The following SEMA4G variants were observed in gnomAD, a reference collection of about 807,000 sequenced individuals.
SEMA4G encodes the protein semaphorin-4G.
In SEMA4G, 59 loss-of-function variants were observed where a neutral mutation model predicts 81.2. The observed-to-expected ratio is 0.73, with a 90% CI of 0.59 to 0.90. The LOEUF is 0.90. SEMA4G is among the 40% of genes least tolerant of loss of function. SEMA4G has a pLI of 0.00. For synonymous variants in SEMA4G, 404 were observed against 433.9 expected (o/e 0.93, Z 0.86); for missense variants, 952 against 1,102.3 (o/e 0.86, Z 1.93).
chr10:100,975,623 C>T (rs1218616264), intron 3 of SEMA4G, among the ~76,000 whole-genome samples: 5 of 152,210 alleles, frequency 3.3e-5, no homozygotes, highest in Admixed American at 6.5e-5. Flanking sequence ...CTTGGGAGGC[C>T]GAGGCGGGTG....
rs781465606 is a variant in SEMA4G at position 100,981,020 on chromosome 10, A to G, written c.1628+38A>G. ...CAGGTGGGAAGTGGTGGGGGGTGACAGTCACATGTGGTCTGAGTGGAGGAG... is the reference window on the plus strand; with the variant it reads ...CAGGTGGGAAGTGGTGGGGGGTGACGGTCACATGTGGTCTGAGTGGAGGAG... On this transcript the variant is annotated intron_variant, in intron 12 of 13. Transcript: ENST00000370250. 8.2e-6 allele frequency: 13 copies of G among 1,593,200 alleles called. No homozygotes were observed. The Admixed American group carries it at 2.2e-4, about 27-fold the overall frequency.
chr10:100,973,465 C>T lies in SEMA4G; in HGVS notation c.274-82C>T. The T allele has an allele frequency of 6.7e-7, 1 of 1,491,318 alleles. No individual in the cohort carries two copies. The highest frequency in any genetic ancestry group is 9.3e-7 in the Non-Finnish European group (1 of 1,076,362). 92.4% of individuals were successfully genotyped at this position (1,491,318 alleles called of 1,614,324 possible). A position where few individuals can be genotyped will look rare whatever the true frequency, so the allele number is the denominator to read the frequency against. ...TTGATCCCCACCCCAATTTCCCCAA[C>T]TCTGTGGGGTCCTATTGCCTGGTCC... On this transcript the variant is annotated intron_variant, in intron 2 of 13. Coordinates refer to ENST00000370250, the Ensembl canonical transcript of SEMA4G. This position sits in a 1 kb window ranked among gnomAD's most constrained non-coding sequence, Gnocchi z 5.5.
At chr10:100,970,732 C>T (rs1434972487), upstream of SEMA4G, among the ~76,000 whole-genome samples, 3 of 152,242 alleles carry the variant, frequency 2.0e-5, no homozygotes, top group African/African-American at 7.2e-5. Context: ...GTGCTTGTCT[C>T]TGCATGGATG....
intron 13 of SEMA4G, among the ~76,000 whole-genome samples, 163 bp from the exon 15 acceptor site, chr10:100,983,142 G>A (rs927922223): frequency 6.6e-6 from 1 of 152,216 alleles, no homozygotes; most frequent in African/African-American, 2.4e-5. Flanking sequence ...AAGGGCCAAC[G>A]TGAACCTTCT....
exon 6 of SEMA4G, chr10:100,978,567 C>A: frequency 6.2e-7 from 1 of 1,614,170 alleles, no homozygotes; most frequent in Non-Finnish European, 8.5e-7. Flanking sequence ...AATTCCGGAG[C>A]ATTCCTGACA....
exon 1 of SEMA4G, chr10:100,972,694 G>A (rs1286727183): frequency 3.8e-6 from 2 of 523,154 alleles, no homozygotes; most frequent in Non-Finnish European, 6.7e-6. Context: ...CTTAGCTGGG[G>A]ATTCCATGGC....
chr10:100,980,545 T>C (rs1325217375), intron 10 of SEMA4G, 33 bp from the exon 12 acceptor site: 4 of 1,559,120 alleles, frequency 2.6e-6, no homozygotes, highest in Admixed American at 1.7e-5. Flanking sequence ...GATCCCATAG[T>C]TGGGGTCTAA....
intron 13 of SEMA4G, chr10:100,981,540 A>G (rs1851074995): frequency 1.9e-6 from 3 of 1,614,016 alleles, no homozygotes; most frequent in Non-Finnish European, 2.5e-6. Flanking sequence ...GACTGAACTG[A>G]TATCTGAAGA....
intron 9 of SEMA4G, 56 bp from the exon 11 acceptor site, chr10:100,980,066 A>G: frequency 1.2e-6 from 2 of 1,612,888 alleles, no homozygotes; most frequent in Non-Finnish European, 8.5e-7. Context: ...GGCCTTGTGG[A>G]GAGGGCAGGC....
chr10:100,985,079 G>A (rs938406307), downstream of SEMA4G: 14 of 624,072 alleles, frequency 2.2e-5, no homozygotes, highest in Non-Finnish European at 3.4e-5. Flanking sequence ...TGTCCTCACA[G>A]GCCCTTGCCT....
At position 100,977,740 on chromosome 10, in the gene SEMA4G, C is replaced by T; in HGVS notation, c.435+10C>T. On this transcript the variant is annotated intron_variant, in intron 4 of 13. Coordinates refer to ENST00000370250, the Ensembl canonical transcript of SEMA4G. ...CCTCTGTGCAGCCATTGTGAGTATA[C>T]CTGTGTTGTGCCAGATCTCTGTTGA... 1 of 1,602,864 alleles carries T rather than the reference C, an allele frequency of 6.2e-7. No homozygotes were observed. The highest frequency in any genetic ancestry group is 8.5e-7 in the Non-Finnish European group (1 of 1,169,768).
intron 3 of SEMA4G, chr10:100,975,064 T>C (rs925367758): frequency 1.9e-6 from 1 of 533,558 alleles, no homozygotes; most frequent in African/African-American, 1.9e-5. Flanking sequence ...AAAGGCTGCC[T>C]CTTGGTGCAG....
In SEMA4G at chr10:100,979,408, G is replaced by T. The variant is rs541646344; in HGVS notation, c.983+137G>T. The T allele has an allele frequency of 1.4e-5, 22 of 1,580,788 alleles. No homozygotes were observed. The South Asian group carries it at 2.2e-4, about 16-fold the overall frequency. On this transcript the variant is annotated intron_variant, in intron 8 of 13. Transcript: ENST00000370250. ...AGAATTTTTTTTTTTTTTTAAGAGGGAGTCTTGCTCTGTTGCCAGGCTGGA... is the reference window on the plus strand; with the variant it reads ...AGAATTTTTTTTTTTTTTTAAGAGGTAGTCTTGCTCTGTTGCCAGGCTGGA...
chr10:100,978,722 C>A, intron 6 of SEMA4G, 82 bp downstream of exon 7: 2 of 1,545,650 alleles, frequency 1.3e-6, no homozygotes, highest in South Asian at 1.1e-5. Flanking sequence ...GACCACCCCA[C>A]CCCCAAATCC....
intron 13 of SEMA4G, among the ~76,000 whole-genome samples, chr10:100,982,845 G>A (rs535588402): frequency 5.6e-4 from 85 of 152,334 alleles, no homozygotes; most frequent in Non-Finnish European, 9.0e-4. Context: ...GAGACTCCCA[G>A]GTTTCTGACT....
At position 100,978,278 on chromosome 10, in the gene SEMA4G, G is replaced by T; in HGVS notation, c.436-17G>T. On this transcript the variant is annotated splice_polypyrimidine_tract_variant and intron_variant, in intron 4 of 13. Coordinates refer to ENST00000370250, the Ensembl canonical transcript of SEMA4G. ...CCTGTCTTCGGAACCACTTACTGCT[G>T]GTTCCTTGTTCCCTAGGATGCTGAG... The T allele has an allele frequency of 6.2e-7, 1 of 1,602,494 alleles. No individual in the cohort carries two copies. Among genetic ancestry groups the T allele is most frequent in the Non-Finnish European group, 8.5e-7 (1 of 1,171,996 alleles).
chr10:100,978,494 ATG>A (rs1850900641), intron 5 of SEMA4G, 31 bp from the exon 7 acceptor site: 1 of 1,605,670 alleles, frequency 6.2e-7, no homozygotes, highest in African/African-American at 1.3e-5. Flanking sequence ...TGAATATGAC[ATG>A]TCTCTCATGC....
chr10:100,981,598 G>A, intron 13 of SEMA4G: 2 of 1,597,620 alleles, frequency 1.3e-6, no homozygotes, highest in Admixed American at 3.3e-5. Flanking sequence ...AGTATTTACT[G>A]TGTGCCAGAC....
At chr10:100,978,691 T>G (rs1589986856) in intron 6 of SEMA4G, 51 bp downstream of exon 7, 1 of 1,582,296 alleles carries the variant, frequency 6.3e-7, no homozygotes, top group East Asian at 2.2e-5. Flanking sequence ...TATTTCTTCA[T>G]TTTTACTCCC....
Sources: allele counts gnomAD v4.1 joint callset (sites outside exome capture counted in the v4.1 genomes callset), GRCh38; gene constraint gnomAD v4.1.1; non-coding constraint Gnocchi (gnomAD v3.1); transcripts MANE v1.5; gene names NCBI Gene and HGNC (gene_info 2026-07-23, HGNC 2026-07-21).